The following ANLN variants were observed in gnomAD, a reference collection of about 807,000 sequenced individuals.
ANLN encodes anillin.
A neutral mutation model predicts 135.1 loss-of-function variants in ANLN; 59 were observed. The observed-to-expected ratio is 0.44, with a 90% CI of 0.35 to 0.54. The LOEUF (loss-of-function observed/expected upper bound fraction) is 0.54, where lower values mean the gene tolerates loss of function less well. ANLN is among the 20% of genes least tolerant of loss of function. ANLN has a pLI of 0.00. For missense variants in ANLN, 1,182 were observed against 1,340.0 expected (o/e 0.88, Z 1.84); for synonymous variants, 406 against 456.4 (o/e 0.89, Z 1.41).
At chr7:36,433,409 G>A (rs1170114917) in intron 20 of ANLN, among the ~76,000 whole-genome samples, 1 of 151,974 alleles carries the variant, frequency 6.6e-6, no homozygotes, top group Non-Finnish European at 1.5e-5. Context: ...TTAATTTATT[G>A]TTTATGGCTT....
At chr7:36,392,957 GTGA>G (rs1786541346) in intron 1 of ANLN, among the ~76,000 whole-genome samples, 1 of 152,124 alleles carries the variant, frequency 6.6e-6, no homozygotes, top group African/African-American at 2.4e-5. Flanking sequence ...TATCTGGGAA[GTGA>G]GAGATATAGC....
chr7:36,392,623 C>T (rs775042290), intron 1 of ANLN, among the ~76,000 whole-genome samples: 12 of 150,254 alleles, frequency 8.0e-5, no homozygotes, highest in African/African-American at 2.9e-4. Context: ...TTATAAGGAA[C>T]GGCTACTTAC....
At chr7:36,434,892 G>T (rs968854405) in intron 20 of ANLN, among the ~76,000 whole-genome samples, 5 of 152,096 alleles carry the variant, frequency 3.3e-5, no homozygotes, top group Non-Finnish European at 7.4e-5. Context: ...ACTTGTTTTT[G>T]TTGTGTAAAT....
At chr7:36,435,333 T>C (rs1420393448) in intron 20 of ANLN, among the ~76,000 whole-genome samples, 2 of 151,780 alleles carry the variant, frequency 1.3e-5, no homozygotes, top group African/African-American at 4.8e-5. Flanking sequence ...TTGAGCTTCA[T>C]TTATTGTTTT....
At chr7:36,423,747 A>G in intron 14 of ANLN, 70 bp from the exon 15 acceptor site, 1 of 1,389,106 alleles carries the variant, frequency 7.2e-7, no homozygotes, top group Non-Finnish European at 9.7e-7. Flanking sequence ...TTTCTTTGGT[A>G]TTCCAGAATG....
intron 7 of ANLN, among the ~76,000 whole-genome samples, chr7:36,414,538 C>T (rs1787561050): frequency 1.3e-5 from 2 of 151,938 alleles, no homozygotes; most frequent in Non-Finnish European, 2.9e-5. Context: ...TTTTATTCAT[C>T]CTTAGGAAAG....
intron 22 of ANLN, among the ~76,000 whole-genome samples, chr7:36,447,584 C>T (rs1789065043): frequency 6.6e-6 from 1 of 151,874 alleles, no homozygotes; most frequent in African/African-American, 2.4e-5. Context: ...GCCACCATTC[C>T]CGGCTAATTT....
chr7:36,416,959 G>T, intron 8 of ANLN, 121 bp from the exon 9 acceptor site: 1 of 568,292 alleles, frequency 1.8e-6, no homozygotes, highest in Non-Finnish European at 3.0e-6. Flanking sequence ...TTCTGGGTTT[G>T]GATATTTTAA....
chr7:36,393,605 A>G (rs1267540721), intron 1 of ANLN, among the ~76,000 whole-genome samples: 1 of 152,230 alleles, frequency 6.6e-6, no homozygotes, highest in African/African-American at 2.4e-5. Flanking sequence ...GTGGAAATAC[A>G]TTACAGTTGG....
At chr7:36,411,353 A>G (rs375922337) in intron 7 of ANLN, among the ~76,000 whole-genome samples, 187 bp downstream of exon 7, 7 of 152,326 alleles carry the variant, frequency 4.6e-5, no homozygotes, top group African/African-American at 1.7e-4. Flanking sequence ...TTTCTATTTC[A>G]GTGGAACTCT....
At chr7:36,402,502 G>T (rs948871855) in intron 3 of ANLN, among the ~76,000 whole-genome samples, 11 of 151,950 alleles carry the variant, frequency 7.2e-5, no homozygotes, top group African/African-American at 2.7e-4. Context: ...TCACACCAGC[G>T]CGATTTTTCT....
rs773884621 is a variant in ANLN, at chr7:36,407,736, A to G, written c.876A>G (p.Lys292=). The change falls in exon 5 of 24, where the codon AAA becomes AAG. Residue 292 remains lysine, a splice_region_variant and synonymous_variant. Transcript: ENST00000265748. The part of the protein sequence containing the change: ...LVNASISSSV[K]ATSPVKSTTS... Reference sequence around the variant, plus strand: ...CCCTAAGTGTTTTCATGTTTCAGAAAGCTACTTCTCCAGTGAAATCTACTA... The same window carrying G: ...CCCTAAGTGTTTTCATGTTTCAGAAGGCTACTTCTCCAGTGAAATCTACTA... The G allele has an allele frequency of 6.6e-7, 1 of 1,506,788 alleles. No homozygotes were observed. Among genetic ancestry groups the G allele is most frequent in the Admixed American group, 1.8e-5 (1 of 55,018 alleles). The allele number at this position is 1,506,788 out of a possible 1,614,324, so 93.3% of individuals were successfully genotyped here.
chr7:36,437,684 G>A (rs1213902081), intron 20 of ANLN, among the ~76,000 whole-genome samples: 3 of 151,892 alleles, frequency 2.0e-5, no homozygotes, highest in African/African-American at 4.8e-5. Context: ...TGTGCCTTTG[G>A]TATCATATCT....
At position 36,406,289 on chromosome 7, in the gene ANLN, G is replaced by C. The variant is rs1787183892; in HGVS notation, c.596G>C (p.Arg199Thr). ...GCCTCGGCAACTCCAGTTGGCAGAA[G>C]GGGCCGTCTGGCCAATCTTGCTGCA... is the stretch of plus-strand genomic sequence containing the variant. ...SNASATPVGR[R>T]GRLANLAATI... The change falls in exon 4 of 24, where the codon AGG becomes ACG. Residue 199 changes from arginine to threonine, a missense_variant. Arg to Thr is a moderately conservative substitution (Grantham distance 71, BLOSUM62 -1). Transcript: ENST00000265748. 8.7e-6 allele frequency: 14 copies of C among 1,614,186 alleles called. No homozygotes were observed. Among genetic ancestry groups the C allele is most frequent in the African/African-American group, 1.3e-5 (1 of 75,068 alleles).
intron 18 of ANLN, 29 bp from the exon 19 acceptor site, chr7:36,425,983 TTTC>T (rs1788062394): frequency 6.8e-7 from 1 of 1,481,458 alleles, no homozygotes. Flanking sequence ...ATAACTTATG[TTTC>T]TTCTTCACAC....
intron 7 of ANLN, 112 bp downstream of exon 7, chr7:36,411,278 T>C: frequency 1.2e-6 from 1 of 800,494 alleles, no homozygotes; most frequent in Non-Finnish European, 1.9e-6. Flanking sequence ...TCCAATTAAC[T>C]CTGTCACTTT....
At chr7:36,432,497 TA>T (rs1192461726) in intron 20 of ANLN, among the ~76,000 whole-genome samples, 1 of 152,226 alleles carries the variant, frequency 6.6e-6, no homozygotes, top group East Asian at 1.9e-4. Flanking sequence ...TGCACTCACA[TA>T]AAAACTGTAT....
chr7:36,430,121 T>C (rs932351093), intron 20 of ANLN, among the ~76,000 whole-genome samples: 3 of 152,174 alleles, frequency 2.0e-5, no homozygotes, highest in African/African-American at 7.2e-5. Context: ...GGTCTTGAAG[T>C]TGGTGGGAAA....
At chr7:36,396,168 G>A in intron 1 of ANLN, 98 bp from the exon 2 acceptor site, 1 of 1,061,146 alleles carries the variant, frequency 9.4e-7, no homozygotes, top group Non-Finnish European at 1.3e-6. Flanking sequence ...GTGTTTAACT[G>A]TCATCCTGTA....
Sources: gnomAD v4.1 joint callset for allele counts (sites outside exome capture counted in the v4.1 genomes callset) on GRCh38, gnomAD v4.1.1 for gene constraint, MANE v1.5 for transcripts, NCBI Gene and HGNC (gene_info 2026-07-23, HGNC 2026-07-21) for gene names.